The following DYNLL2 variants were observed in gnomAD, a reference collection of about 807,000 sequenced individuals.
DYNLL2 encodes dynein light chain 2, cytoplasmic.
Under a neutral mutation model 9.7 loss-of-function variants are expected in DYNLL2, and 1 was observed. The ratio of observed to expected loss-of-function variants is 0.10; its 90% CI spans 0.04 to 0.49. DYNLL2 has a LOEUF of 0.49. DYNLL2 is among the 20% of genes least tolerant of loss of function. The pLI is 0.95. For missense variants in DYNLL2, 37 were observed against 115.2 expected, an observed-to-expected ratio of 0.32 and a Z score of 3.11; for synonymous variants, 35 against 40.5, an observed-to-expected ratio of 0.86 and a Z score of 0.52.
chr17:58,087,055 A>G, intron 1 of DYNLL2, 27 bp from the exon 2 acceptor site: 2 of 1,609,792 alleles, frequency 1.2e-6, no homozygotes, highest in Non-Finnish European at 1.7e-6. Context: ...AGGAGTTGTC[A>G]GCCTTACCTC....
At position 58,083,447 on chromosome 17, in the gene DYNLL2, C is replaced by T. The variant is rs1162410051; in HGVS notation, c.-246C>T. 2.3e-4 allele frequency: 17 copies of T among 72,988 alleles called. No individual in the cohort carries two copies. Among genetic ancestry groups the T allele is most frequent in the African/African-American group, 4.3e-4 (10 of 23,344 alleles). The allele number at this position is 72,988 out of a possible 1,614,324, so 4.5% of individuals were successfully genotyped here. On this transcript the variant is annotated 5_prime_UTR_variant, in exon 1 of 3. Coordinates refer to ENST00000579991, the MANE Select transcript of DYNLL2 (RefSeq NM_080677.3). Reference sequence around the variant, plus strand: ...GGCAGAGCGGAGCGGAGCTGTGAGGCGCCAGTGCGGAGCGGGCGGGCGGGC... The same window carrying T: ...GGCAGAGCGGAGCGGAGCTGTGAGGTGCCAGTGCGGAGCGGGCGGGCGGGC...
Position 58,089,443 on chromosome 17 carries a change from C to T in DYNLL2, c.*164C>T. 1.2e-6 allele frequency: 1 copy of T among 847,636 alleles called. No individual in the cohort carries two copies. Among genetic ancestry groups the T allele is most frequent in the Non-Finnish European group, 1.7e-6 (1 of 588,560 alleles). The allele number at this position is 847,636 out of a possible 1,614,324, so 52.5% of individuals were successfully genotyped here. On this transcript the variant is annotated 3_prime_UTR_variant, in exon 3 of 3. Coordinates refer to ENST00000579991, the MANE Select transcript of DYNLL2 (RefSeq NM_080677.3). ...ATGTGTATGTCGCAGTAAACAAAAC[C>T]AAACCTCTTTCTGTTTAGTTGCCTG...
At chr17:58,086,725 A>G (rs1211378207) in intron 1 of DYNLL2, among the ~76,000 whole-genome samples, 1 of 152,230 alleles carries the variant, frequency 6.6e-6, no homozygotes, top group African/African-American at 2.4e-5. Context: ...AATGACATAA[A>G]AACACAAGGA....
In DYNLL2 at chr17:58,090,239, T is replaced by A. The variant is rs1443624148; in HGVS notation, c.*960T>A. On this transcript the variant is annotated 3_prime_UTR_variant, in exon 3 of 3. Coordinates refer to ENST00000579991, the MANE Select transcript of DYNLL2 (RefSeq NM_080677.3). ...CTGTGTATATGTGTGAATATGTGTGTATATGTGTGTGTATGTGTGTGTGGG... is the reference window on the plus strand; with the variant it reads ...CTGTGTATATGTGTGAATATGTGTGAATATGTGTGTGTATGTGTGTGTGGG... The A allele has an allele frequency of 4.0e-6, 1 of 247,656 alleles. No individual in the cohort carries two copies. The highest frequency in any genetic ancestry group is 7.6e-6 in the Non-Finnish European group (1 of 130,972). 15.3% of individuals were successfully genotyped at this position (247,656 alleles called of 1,614,324 possible).
At chr17:58,087,281 T>A in intron 2 of DYNLL2, 59 bp downstream of exon 2, 3 of 1,598,666 alleles carry the variant, frequency 1.9e-6, no homozygotes, top group Non-Finnish European at 2.6e-6. Flanking sequence ...TGAGCTAACC[T>A]CCAGGGAGAT....
At position 58,089,347 on chromosome 17, in the gene DYNLL2, T is replaced by A. The variant is rs1313058607; in HGVS notation, c.*68T>A. On this transcript the variant is annotated 3_prime_UTR_variant, in exon 3 of 3. Transcript: ENST00000579991. ...AGCAGGCGGCGTTGCTGGGACTGTT[T>A]TGCACTGGAGCCAGCATCAGGATGT... 6.3e-7 allele frequency: 1 copy of A among 1,580,926 alleles called. No individual in the cohort carries two copies. Among genetic ancestry groups the A allele is most frequent in the African/African-American group, 1.4e-5 (1 of 73,772 alleles).
rs1219103560 is a variant in DYNLL2, at chr17:58,083,470, GGCGGGCGGCGTGAGGCGGAGC to G, written c.-213_-193del. On this transcript the variant is annotated 5_prime_UTR_variant, in exon 1 of 3. Coordinates refer to ENST00000579991, the MANE Select transcript of DYNLL2 (RefSeq NM_080677.3). The stretch of plus-strand genomic sequence containing the variant: ...GGCGCCAGTGCGGAGCGGGCGGGCG[GGCGGGCGGCGTGAGGCGGAGC>G]GCGGGCGGCCGGCGAAACTCCAAGG... 4 of 149,810 alleles carry G rather than the reference GGCGGGCGGCGTGAGGCGGAGC, an allele frequency of 2.7e-5. No homozygotes were observed. Among genetic ancestry groups the G allele is most frequent in the East Asian group, 2.0e-4 (1 of 5,100 alleles). The allele number at this position is 149,810 out of a possible 1,614,324, so 9.3% of individuals were successfully genotyped here.
chr17:58,094,970 AT>A lies in DYNLL2; in HGVS notation c.*5692del, dbSNP rs1230684194. The A allele has an allele frequency of 6.6e-6, 1 of 152,200 alleles. No individual in the cohort carries two copies. The highest frequency in any genetic ancestry group is 1.5e-5 in the Non-Finnish European group (1 of 68,050). 9.4% of individuals were successfully genotyped at this position (152,200 alleles called of 1,614,324 possible). On this transcript the variant is annotated 3_prime_UTR_variant, in exon 3 of 3. Transcript: ENST00000579991. Reference sequence around the variant, plus strand: ...TTCTAGCTGAGTAACGTGTGGGTATATCACATTTTGTTTATTCATCTGTTGA... The same window carrying A: ...TTCTAGCTGAGTAACGTGTGGGTATACACATTTTGTTTATTCATCTGTTGA...
chr17:58,089,256 A>G lies in DYNLL2; in HGVS notation c.247A>G (p.Ile83Val), dbSNP rs777872108. Residue 83 changes from isoleucine to valine, a missense_variant, in exon 3 of 3, where the codon ATC (isoleucine) becomes GTC (valine). By Grantham distance (29) the Ile-to-Val change is conservative (BLOSUM62 3). Transcript: ENST00000579991. ...FIYFYLGQVA[I>V]LLFKSG is the part of the protein sequence containing the mutation. ...CTATTTTTACTTGGGTCAAGTTGCAATCCTCCTCTTCAAGTCAGGCTAGGT... is the reference window on the plus strand; with the variant it reads ...CTATTTTTACTTGGGTCAAGTTGCAGTCCTCCTCTTCAAGTCAGGCTAGGT... The G allele has an allele frequency of 4.3e-6, 7 of 1,614,106 alleles. No individual in the cohort carries two copies. Among genetic ancestry groups the G allele is most frequent in the Non-Finnish European group, 5.1e-6 (6 of 1,180,000 alleles).
intron 1 of DYNLL2, among the ~76,000 whole-genome samples, chr17:58,086,224 G>C (rs898537722): frequency 6.6e-6 from 1 of 152,232 alleles, no homozygotes; most frequent in Non-Finnish European, 1.5e-5. Flanking sequence ...GCCTGGAATA[G>C]GGCCTGTATA....
At position 58,089,729 on chromosome 17, in the gene DYNLL2, G is replaced by A; in HGVS notation, c.*450G>A. On this transcript the variant is annotated 3_prime_UTR_variant, in exon 3 of 3. Coordinates refer to ENST00000579991, the MANE Select transcript of DYNLL2 (RefSeq NM_080677.3). ...TTGGGAGGGCCAGGGAGGCTGCAGG[G>A]GGACAGTGTTGGGATTGTCAAGGAA... The A allele has an allele frequency of 2.5e-6, 1 of 406,206 alleles. No homozygotes were observed. The highest frequency in any genetic ancestry group is 4.3e-6 in the Non-Finnish European group (1 of 232,118). 25.2% of individuals were successfully genotyped at this position (406,206 alleles called of 1,614,324 possible).
rs1443253229 is a variant in DYNLL2, at chr17:58,092,310, TCTA to T, written c.*3034_*3036del. ...TGAGTGTCTCCAGGGCCAAAGCTCA[TCTA>T]CTTTCTTCCCTGATGAAAGAGGCAG... is the stretch of plus-strand genomic sequence containing the variant. On this transcript the variant is annotated 3_prime_UTR_variant, in exon 3 of 3. Transcript: ENST00000579991. 1.3e-5 allele frequency: 2 copies of T among 152,256 alleles called. No homozygotes were observed. Among genetic ancestry groups the T allele is most frequent in the African/African-American group, 4.8e-5 (2 of 41,454 alleles). The allele number at this position is 152,256 out of a possible 1,614,324, so 9.4% of individuals were successfully genotyped here. A position where few individuals can be genotyped will look rare whatever the true frequency, so the allele number is the denominator to read the frequency against.
In DYNLL2 at chr17:58,083,456, G is replaced by GGAGC. The variant is rs1335285956; in HGVS notation, c.-235_-232dup. 1 of 111,984 alleles carries GGAGC rather than the reference G, an allele frequency of 8.9e-6. No homozygotes were observed. Among genetic ancestry groups the GGAGC allele is most frequent in the Non-Finnish European group, 2.0e-5 (1 of 50,988 alleles). The allele number at this position is 111,984 out of a possible 1,614,324, so 6.9% of individuals were successfully genotyped here. ...GAGCGGAGCTGTGAGGCGCCAGTGC[G>GGAGC]GAGCGGGCGGGCGGGCGGGCGGCGT... is the stretch of plus-strand genomic sequence containing the variant. On this transcript the variant is annotated 5_prime_UTR_variant, in exon 1 of 3. Transcript: ENST00000579991.
chr17:58,090,776 C>A lies in DYNLL2; in HGVS notation c.*1497C>A, dbSNP rs1017725774. On this transcript the variant is annotated 3_prime_UTR_variant, in exon 3 of 3. Transcript: ENST00000579991. ...GGGTTTGGGGTGGGGTGGTCATTGC[C>A]GTTTGAGCTGCTGATTTTCATGAGT... 1 of 149,142 alleles carries A rather than the reference C, an allele frequency of 6.7e-6. No individual in the cohort carries two copies. The highest frequency in any genetic ancestry group is 1.5e-5 in the Non-Finnish European group (1 of 67,562). 9.2% of individuals were successfully genotyped at this position (149,142 alleles called of 1,614,324 possible).
Position 58,090,024 on chromosome 17 carries a change from A to T in DYNLL2, c.*745A>T, listed in dbSNP as rs956871948. 1 of 397,798 alleles carries T rather than the reference A, an allele frequency of 2.5e-6. No homozygotes were observed. The allele number at this position is 397,798 out of a possible 1,614,324, so 24.6% of individuals were successfully genotyped here. ...GACAGGAGGATGCTGGGGTAGGATT[A>T]GCTTGAATCTTTTTTTTCTTTACAT... On this transcript the variant is annotated 3_prime_UTR_variant, in exon 3 of 3. Transcript: ENST00000579991.
At chr17:58,088,296 C>T (rs1322922901) in intron 2 of DYNLL2, among the ~76,000 whole-genome samples, 1 of 152,194 alleles carries the variant, frequency 6.6e-6, no homozygotes, top group East Asian at 1.9e-4. Flanking sequence ...TTAGTATTTA[C>T]TCCTAGTACT....
Position 58,085,539 on chromosome 17 carries a change from A to G in DYNLL2, c.-9-1543A>G, listed in dbSNP as rs563677132. Among the ~76,000 whole-genome samples the G allele has an allele frequency of 2.1e-3, 324 of 152,278 alleles. 1 individual carries two copies. The highest frequency in any genetic ancestry group is 3.4e-3 in the Non-Finnish European group (233 of 68,018). On this transcript the variant is annotated intron_variant, in intron 1 of 2. Coordinates refer to ENST00000579991, the MANE Select transcript of DYNLL2 (RefSeq NM_080677.3). The stretch of plus-strand genomic sequence containing the variant: ...GGGTGGGATGATGGGGGAGATAGTT[A>G]CTGCTCCATGTGTTGGGACTGTGGT...
chr17:58,092,730 C>T lies in DYNLL2; in HGVS notation c.*3451C>T, dbSNP rs2075784737. On this transcript the variant is annotated 3_prime_UTR_variant, in exon 3 of 3. Coordinates refer to ENST00000579991, the MANE Select transcript of DYNLL2 (RefSeq NM_080677.3). ...CAGGAAAGGGCAAGGTGGTGACAAT[C>T]TAAGGGAGGCAAATGGATAATAACC... 6.6e-6 allele frequency: 1 copy of T among 152,318 alleles called. No homozygotes were observed. The highest frequency in any genetic ancestry group is 2.1e-4 in the South Asian group (1 of 4,822). The allele number at this position is 152,318 out of a possible 1,614,324, so 9.4% of individuals were successfully genotyped here.
Position 58,083,477 on chromosome 17 carries a change from GGCGTGA to G in DYNLL2, c.-214_-209del, listed in dbSNP as rs1215009638. 137 of 149,712 alleles carry G rather than the reference GGCGTGA, an allele frequency of 9.2e-4. 1 individual carries two copies. Among genetic ancestry groups the G allele is most frequent in the African/African-American group, 2.7e-3 (111 of 40,824 alleles). The allele number at this position is 149,712 out of a possible 1,614,324, so 9.3% of individuals were successfully genotyped here. On this transcript the variant is annotated 5_prime_UTR_variant, in exon 1 of 3. Coordinates refer to ENST00000579991, the MANE Select transcript of DYNLL2 (RefSeq NM_080677.3). ...GTGCGGAGCGGGCGGGCGGGCGGGC[GGCGTGA>G]GGCGGAGCGCGGGCGGCCGGCGAAA...
Sources: gnomAD v4.1 joint callset for allele counts (sites outside exome capture counted in the v4.1 genomes callset) on GRCh38, gnomAD v4.1.1 for gene constraint, MANE v1.5 for transcripts, NCBI Gene and HGNC (gene_info 2026-07-23, HGNC 2026-07-21) for gene names.